Variants in DLG2 observed in about 807,000 individuals in gnomAD.
DLG2 encodes the protein disks large homolog 2.
A neutral mutation model predicts 132.5 loss-of-function variants in DLG2; 45 were observed. The observed-to-expected ratio is 0.34, with a 90% CI of 0.27 to 0.44. The LOEUF (loss-of-function observed/expected upper bound fraction) is 0.44, where lower values mean the gene tolerates loss of function less well. DLG2 is among the 20% of genes least tolerant of loss of function. The probability of loss-of-function intolerance (pLI) is 1.00; values close to 1 mark genes in which losing one functional copy is unlikely to be tolerated. For missense variants in DLG2, 1,045 were observed against 1,196.9 expected, an observed-to-expected ratio of 0.87 and a Z score of 1.87; for synonymous variants, 424 against 419.6, an observed-to-expected ratio of 1.01 and a Z score of -0.13.
chr11:85,578,025 A>C (rs1310829664), intron 3 of DLG2, among the ~76,000 whole-genome samples: 1 of 152,170 alleles, frequency 6.6e-6, no homozygotes, highest in Non-Finnish European at 1.5e-5. Context: ...ACAGCATGGT[A>C]CTGGTATAAA....
At chr11:84,307,136 G>A (rs1283941749) in intron 7 of DLG2, among the ~76,000 whole-genome samples, 1 of 152,152 alleles carries the variant, frequency 6.6e-6, no homozygotes, top group Non-Finnish European at 1.5e-5. Context: ...AAGAAAATGT[G>A]TACATTGATA....
intron 3 of DLG2, among the ~76,000 whole-genome samples, chr11:85,535,703 T>C (rs1166877885): frequency 6.6e-6 from 1 of 152,164 alleles, no homozygotes; most frequent in African/African-American, 2.4e-5. Flanking sequence ...GCAGCATTAT[T>C]CAAAATAGCC....
chr11:85,518,452 A>G (rs2094212613), intron 3 of DLG2, among the ~76,000 whole-genome samples: 1 of 152,204 alleles, frequency 6.6e-6, no homozygotes, highest in Admixed American at 6.5e-5. Context: ...AGAACTTTCA[A>G]CTTAAGAGAG....
At chr11:84,005,011 C>T (rs1410725017) in intron 11 of DLG2, among the ~76,000 whole-genome samples, 4 of 147,936 alleles carry the variant, frequency 2.7e-5, no homozygotes, top group Admixed American at 2.7e-4. Flanking sequence ...ACAAAAATCC[C>T]CCCAACCAAA....
chr11:84,558,844 T>G (rs1336636079), intron 6 of DLG2, among the ~76,000 whole-genome samples: 1 of 152,172 alleles, frequency 6.6e-6, no homozygotes, highest in Admixed American at 6.5e-5. Context: ...TCAATTGAAA[T>G]GCAAATTTGA....
At chr11:83,883,825 C>T (rs1367410376) in intron 15 of DLG2, among the ~76,000 whole-genome samples, 2 of 151,850 alleles carry the variant, frequency 1.3e-5, no homozygotes, top group African/African-American at 2.4e-5. Flanking sequence ...AAACCCTTTC[C>T]CCACAGACCA....
chr11:83,652,008 C>A (rs1299488836), intron 18 of DLG2: 6 of 344,154 alleles, frequency 1.7e-5, no homozygotes, highest in Admixed American at 1.6e-4. Context: ...TCAAATTTGG[C>A]CCTGTTAGAG....
At chr11:84,098,582 T>C (rs1017633654) in intron 10 of DLG2, among the ~76,000 whole-genome samples, 8 of 152,186 alleles carry the variant, frequency 5.3e-5, no homozygotes, top group African/African-American at 1.9e-4. Flanking sequence ...ATGCTACTTA[T>C]AGTGTATCCT....
chr11:83,936,214 C>A (rs917535184), intron 14 of DLG2, among the ~76,000 whole-genome samples: 2 of 152,200 alleles, frequency 1.3e-5, no homozygotes, highest in African/African-American at 4.8e-5. Flanking sequence ...AAGTAACAAT[C>A]GATGGCTTTT....
intron 6 of DLG2, among the ~76,000 whole-genome samples, chr11:84,878,005 C>A (rs2086663473): frequency 6.6e-6 from 1 of 152,132 alleles, no homozygotes; most frequent in African/African-American, 2.4e-5. Context: ...AATCAAAACA[C>A]AATGAGATAC....
intron 4 of DLG2, among the ~76,000 whole-genome samples, chr11:85,169,107 A>G (rs578174454): frequency 1.3e-5 from 2 of 152,302 alleles, no homozygotes; most frequent in South Asian, 2.1e-4. Flanking sequence ...ACTTTTAAAC[A>G]TCTCTAGATT....
In DLG2 at chr11:84,214,091, T is replaced by C. The variant is rs186715757; in HGVS notation, c.573+37147A>G. Among the ~76,000 whole-genome samples, 449 of 150,326 alleles carry C rather than the reference T, an allele frequency of 3.0e-3. 2 individuals are homozygous for C. Among genetic ancestry groups the C allele is most frequent in the Non-Finnish European group, 4.6e-3 (314 of 67,672 alleles). On this transcript the variant is annotated intron_variant, in intron 8 of 27. Coordinates refer to ENST00000376104, the MANE Select transcript of DLG2 (RefSeq NM_001142699.3). ...TTCCTTAACAAATTAAAACAGTAAT[T>C]TAAAAAGCCCAAGCTTAGTAGAATT... is the stretch of plus-strand genomic sequence containing the variant.
intron 6 of DLG2, among the ~76,000 whole-genome samples, chr11:85,032,744 G>C (rs561279057): frequency 6.6e-6 from 1 of 151,708 alleles, no homozygotes; most frequent in South Asian, 2.1e-4. Context: ...AGAAAACAAA[G>C]AAAAAAAAGA....
chr11:85,458,051 C>A (rs1378879197), intron 3 of DLG2, among the ~76,000 whole-genome samples: 1 of 152,150 alleles, frequency 6.6e-6, no homozygotes, highest in Non-Finnish European at 1.5e-5. Context: ...TGCTTTCTCT[C>A]CATCTCTTTC....
intron 6 of DLG2, among the ~76,000 whole-genome samples, chr11:84,902,760 C>T (rs10898319): frequency 0.46 from 70,565 of 151,930 alleles, 17,047 homozygotes; most frequent in South Asian, 0.61. Context: ...TCAACACGTG[C>T]AAACTGTTAT....
intron 7 of DLG2, among the ~76,000 whole-genome samples, chr11:84,253,376 A>G (rs2097417702): frequency 6.6e-6 from 1 of 152,188 alleles, no homozygotes; most frequent in South Asian, 2.1e-4. Flanking sequence ...AGTAGTAACA[A>G]CTTTCCAAAA....
At chr11:83,511,726 CTT>C (rs5793066) in intron 21 of DLG2, among the ~76,000 whole-genome samples, 2,216 of 139,152 alleles carry the variant, frequency 0.016, 53 homozygotes, top group African/African-American at 0.05. Flanking sequence ...AAGAAGCAAA[CTT>C]TTTTTTTTTT....
chr11:83,956,584 G>A (rs112588546), intron 14 of DLG2, among the ~76,000 whole-genome samples: 2,084 of 152,326 alleles, frequency 0.014, 21 homozygotes, highest in Middle Eastern at 0.048. Context: ...GGTTGAGCAC[G>A]GTGGGCCAAG....
At chr11:85,019,904 C>T (rs1354370354) in intron 6 of DLG2, among the ~76,000 whole-genome samples, 2 of 152,072 alleles carry the variant, frequency 1.3e-5, no homozygotes, top group South Asian at 2.1e-4. Context: ...TCTTTGCTAT[C>T]GTGAATAGTG....
Sources: allele counts gnomAD v4.1 joint callset (sites outside exome capture counted in the v4.1 genomes callset), GRCh38; gene constraint gnomAD v4.1.1; transcripts MANE v1.5; gene names NCBI Gene and HGNC (gene_info 2026-07-23, HGNC 2026-07-21).